Variants in IFT56 observed in about 807,000 individuals in gnomAD.
IFT56 encodes intraflagellar transport protein 56.
the IFT56 span, chr7:139,179,630 G>A: frequency 6.2e-7 from 1 of 1,613,348 alleles, no homozygotes; most frequent in Non-Finnish European, 8.5e-7. Context: ...ACCTCAGCTG[G>A]TTAGCTCGGT....
chr7:139,145,159 G>C, the IFT56 span, among the ~76,000 whole-genome samples: 1 of 152,078 alleles, frequency 6.6e-6, no homozygotes, highest in Non-Finnish European at 1.5e-5. Context: ...TTTTACCTCT[G>C]TTTCTAGGGT....
the IFT56 span, among the ~76,000 whole-genome samples, chr7:139,144,237 T>C: frequency 6.6e-6 from 1 of 152,132 alleles, no homozygotes; most frequent in African/African-American, 2.4e-5. Context: ...TATGGTTTTT[T>C]AAAGGATTTT....
the IFT56 span, among the ~76,000 whole-genome samples, chr7:139,185,162 T>C: frequency 1.1e-4 from 17 of 151,912 alleles, no homozygotes; most frequent in South Asian, 3.3e-3. Flanking sequence ...GATTGCCTTA[T>C]TGCATTCCAA....
the IFT56 span, chr7:139,133,819 C>A: frequency 6.2e-7 from 1 of 1,614,136 alleles, no homozygotes; most frequent in South Asian, 1.1e-5. Flanking sequence ...GAGGCGCGGC[C>A]TTCGCTGTGT....
the IFT56 span, among the ~76,000 whole-genome samples, chr7:139,182,070 T>C: frequency 6.6e-6 from 1 of 151,662 alleles, no homozygotes; most frequent in African/African-American, 2.4e-5. Flanking sequence ...GAAATGGCTG[T>C]TTTGTGTGCA....
At chr7:139,175,072 A>G in the IFT56 span, among the ~76,000 whole-genome samples, 3 of 152,106 alleles carry the variant, frequency 2.0e-5, no homozygotes, top group Admixed American at 2.0e-4. Flanking sequence ...ACAAATGGGT[A>G]TATGAAAAGG....
chr7:139,164,675 G>A, the IFT56 span, among the ~76,000 whole-genome samples: 3 of 151,856 alleles, frequency 2.0e-5, no homozygotes, highest in Non-Finnish European at 4.4e-5. Flanking sequence ...TATACTAGTC[G>A]CAGTTCTCGG....
chr7:139,176,010 G>A, the IFT56 span, among the ~76,000 whole-genome samples: 1 of 151,788 alleles, frequency 6.6e-6, no homozygotes, highest in African/African-American at 2.4e-5. Flanking sequence ...GTAGAGACAG[G>A]GTTTCACCAT....
the IFT56 span, among the ~76,000 whole-genome samples, chr7:139,145,433 G>GT: frequency 8.6e-5 from 13 of 151,506 alleles, no homozygotes; most frequent in Admixed American, 2.6e-4. Flanking sequence ...TTTTTTGTTT[G>GT]TTTTTTTGAG....
At chr7:139,154,149 A>G in the IFT56 span, among the ~76,000 whole-genome samples, 1 of 152,062 alleles carries the variant, frequency 6.6e-6, no homozygotes, top group South Asian at 2.1e-4. Context: ...AGAAATGTCT[A>G]TTTAAGTTCT....
the IFT56 span, chr7:139,187,566 C>T: frequency 6.2e-7 from 1 of 1,611,576 alleles, no homozygotes; most frequent in Non-Finnish European, 8.5e-7. Context: ...GAAATACTAC[C>T]TCTACTCATT....
the IFT56 span, among the ~76,000 whole-genome samples, chr7:139,151,140 T>TA: frequency 6.6e-6 from 1 of 152,132 alleles, no homozygotes; most frequent in Admixed American, 6.5e-5. Flanking sequence ...AAGGAGGAGA[T>TA]ACAAAAGGTC....
chr7:139,160,346 GAAAGAAAAAACTAACTCTAGT>G, the IFT56 span, among the ~76,000 whole-genome samples: 4 of 151,884 alleles, frequency 2.6e-5, no homozygotes, highest in African/African-American at 4.8e-5. Flanking sequence ...CTTTGACACT[GAAAGAAAAAACTAACTCTAGT>G]AGTCTTCAGA....
the IFT56 span, chr7:139,166,770 C>A: frequency 2.5e-6 from 2 of 815,418 alleles, no homozygotes; most frequent in Non-Finnish European, 4.2e-6. Context: ...AGGATCTTAT[C>A]TTTTGGGAGG....
chr7:139,181,133 C>T, the IFT56 span: 1 of 1,612,418 alleles, frequency 6.2e-7, no homozygotes, highest in Non-Finnish European at 8.5e-7. Context: ...GGAACTTTAT[C>T]TTAAGATGGA....
chr7:139,151,843 C>A, the IFT56 span, among the ~76,000 whole-genome samples: 1 of 152,148 alleles, frequency 6.6e-6, no homozygotes, highest in Non-Finnish European at 1.5e-5. Flanking sequence ...GGGTGGATCA[C>A]CTGAGGTCAG....
At chr7:139,138,708 T>C in the IFT56 span, among the ~76,000 whole-genome samples, 3 of 152,194 alleles carry the variant, frequency 2.0e-5, no homozygotes, top group South Asian at 6.2e-4. Context: ...GGAACAATTA[T>C]ATTTATATTT....
chr7:139,174,280 CAGG>C, the IFT56 span: 4 of 569,966 alleles, frequency 7.0e-6, no homozygotes, highest in Non-Finnish European at 1.4e-5. Flanking sequence ...GGTCTGACGG[CAGG>C]GCGTCCCACG....
At chr7:139,140,458 T>TTAAAAA in the IFT56 span, among the ~76,000 whole-genome samples, 44,760 of 151,664 alleles carry the variant, frequency 0.3, 13,011 homozygotes, top group African/African-American at 0.74. Flanking sequence ...GTACTCAAAT[T>TTAAAAA]TAAGAATAAA....
Sources: gnomAD v4.1 joint callset for allele counts (sites outside exome capture counted in the v4.1 genomes callset) on GRCh38, gnomAD v4.1.1 for gene constraint, MANE v1.5 for transcripts, NCBI Gene and HGNC (gene_info 2026-07-23, HGNC 2026-07-21) for gene names.